FBLN7: variants seen among roughly 807,000 people sequenced by gnomAD.
FBLN7 encodes fibulin 7.
In FBLN7, 31 loss-of-function variants were observed where a neutral mutation model predicts 44.0. The observed-to-expected ratio is 0.70, with a 90% CI of 0.53 to 0.95. The LOEUF is 0.95. Among genes scored for constraint, FBLN7 ranks in the 40% least tolerant of loss-of-function variants. FBLN7 has a pLI of 0.00. For synonymous variants in FBLN7, 262 were observed against 253.4 expected, an observed-to-expected ratio of 1.03 and a Z score of -0.32; for missense variants, 573 against 618.5, an observed-to-expected ratio of 0.93 and a Z score of 0.78.
chr2:112,159,803 CTG>C lies in FBLN7; in HGVS notation c.206_207del (p.Val69GlyfsTer66). ...AGCCGGCTGGCCGCGCTGCAGAACT[CTG>C]TGGGCAGGGTGGGCCCAGATGCCCT... is the stretch of plus-strand genomic sequence containing the variant. On this transcript the variant is annotated frameshift_variant, in exon 2 of 8. Coordinates refer to ENST00000331203, the MANE Select transcript of FBLN7 (RefSeq NM_153214.3). LOFTEE classifies it high-confidence loss of function. 3 of 1,582,814 alleles carry C rather than the reference CTG, an allele frequency of 1.9e-6. No individual in the cohort carries two copies. The highest frequency in any genetic ancestry group is 2.6e-6 in the Non-Finnish European group (3 of 1,165,852).
Position 112,181,760 on chromosome 2 carries a change from C to T in FBLN7, c.554C>T (p.Ala185Val). The change falls in exon 5 of 8, where the codon GCC becomes GTC. Residue 185 changes from alanine to valine, a missense_variant. Ala to Val is a moderately conservative substitution (Grantham distance 64, BLOSUM62 0). Transcript: ENST00000331203. Reference sequence around the variant, plus strand: ...GCAGCCGCCCCCGAGGGCAGCGTGGCCGGCGACTCCGCCTTCAGCCGCGCG... The same window carrying T: ...GCAGCCGCCCCCGAGGGCAGCGTGGTCGGCGACTCCGCCTTCAGCCGCGCG... ...AQTAAPEGSV[A>V]GDSAFSRAPR... 1 of 1,406,364 alleles carries T rather than the reference C, an allele frequency of 7.1e-7. No homozygotes were observed. The highest frequency in any genetic ancestry group is 9.2e-7 in the Non-Finnish European group (1 of 1,087,106). The allele number at this position is 1,406,364 out of a possible 1,614,324, so 87.1% of individuals were successfully genotyped here.
chr2:112,180,917 TG>T (rs1682954101), intron 4 of FBLN7, among the ~76,000 whole-genome samples: 1 of 77,576 alleles, frequency 1.3e-5, no homozygotes, highest in Non-Finnish European at 2.1e-5. Context: ...AGTGAGACTC[TG>T]TCTCAAAAAA....
chr2:112,168,263 C>A (rs2104579900), intron 3 of FBLN7, among the ~76,000 whole-genome samples: 1 of 152,312 alleles, frequency 6.6e-6, no homozygotes, highest in South Asian at 2.1e-4. Flanking sequence ...ATGCAGCCCA[C>A]CTTCGGGATG....
At chr2:112,197,234 A>AACACACACACACACAC in the FBLN7 span, among the ~76,000 whole-genome samples, 90 of 89,360 alleles carry the variant, frequency 1.0e-3, no homozygotes, top group African/African-American at 1.6e-3. Flanking sequence ...CGTAAGAGAA[A>AACACACACACACACAC]ACACACACAC....
the FBLN7 span, among the ~76,000 whole-genome samples, chr2:112,241,330 C>A: frequency 6.6e-6 from 1 of 152,128 alleles, no homozygotes; most frequent in East Asian, 1.9e-4. Context: ...CGACCACCCA[C>A]ATGGAGGTAC....
At chr2:112,200,254 A>G in the FBLN7 span, among the ~76,000 whole-genome samples, 1 of 152,162 alleles carries the variant, frequency 6.6e-6, no homozygotes, top group Non-Finnish European at 1.5e-5. Context: ...GCTAGTACTA[A>G]TTAAGATTCT....
the FBLN7 span, among the ~76,000 whole-genome samples, chr2:112,205,624 T>C: frequency 3.3e-5 from 5 of 152,286 alleles, no homozygotes; most frequent in Non-Finnish European, 7.4e-5. Context: ...TTAAATCAGT[T>C]GCTCATATTT....
At chr2:112,160,270 G>A (rs1002150257) in intron 2 of FBLN7, among the ~76,000 whole-genome samples, 54 of 152,278 alleles carry the variant, frequency 3.5e-4, no homozygotes, top group Non-Finnish European at 6.0e-4. Context: ...GATGACAGGC[G>A]TGGGCCACCG....
downstream of FBLN7, among the ~76,000 whole-genome samples, chr2:112,191,775 G>T (rs1199925561): frequency 6.6e-6 from 1 of 152,048 alleles, no homozygotes; most frequent in African/African-American, 2.4e-5. Context: ...AGGATTTACT[G>T]ATTATACCTC....
chr2:112,203,925 C>G, the FBLN7 span, among the ~76,000 whole-genome samples: 1 of 152,160 alleles, frequency 6.6e-6, no homozygotes, highest in Non-Finnish European at 1.5e-5. Context: ...TATCTCCCAC[C>G]AGCTCCCTCC....
At chr2:112,195,648 G>A in the FBLN7 span, among the ~76,000 whole-genome samples, 3 of 152,160 alleles carry the variant, frequency 2.0e-5, no homozygotes, top group Non-Finnish European at 4.4e-5. Flanking sequence ...TACTAATGCT[G>A]GACTTGCTGT....
At chr2:112,147,209 A>C (rs1367883516) in intron 1 of FBLN7, among the ~76,000 whole-genome samples, 2 of 152,122 alleles carry the variant, frequency 1.3e-5, no homozygotes, top group African/African-American at 4.8e-5. Flanking sequence ...CTATGAATTC[A>C]ATTTCTTAGA....
chr2:112,141,314 G>C (rs1169949116), intron 1 of FBLN7, among the ~76,000 whole-genome samples: 1 of 152,218 alleles, frequency 6.6e-6, no homozygotes, highest in African/African-American at 2.4e-5. Context: ...AATAAACCCA[G>C]TCTCTCTTGT....
chr2:112,147,458 T>G (rs1680948223), intron 1 of FBLN7, among the ~76,000 whole-genome samples: 1 of 152,250 alleles, frequency 6.6e-6, no homozygotes, highest in African/African-American at 2.4e-5. Context: ...GTGTAACTTT[T>G]TAATTTTCCT....
At chr2:112,218,319 A>G in the FBLN7 span, among the ~76,000 whole-genome samples, 1 of 152,226 alleles carries the variant, frequency 6.6e-6, no homozygotes, top group African/African-American at 2.4e-5. Context: ...CTCAAGGTTT[A>G]GAAACCAGGC....
chr2:112,200,645 C>T, the FBLN7 span, among the ~76,000 whole-genome samples: 1 of 152,178 alleles, frequency 6.6e-6, no homozygotes, highest in Non-Finnish European at 1.5e-5. Flanking sequence ...AGCTATTCTC[C>T]TGCCTCAGCC....
the FBLN7 span, among the ~76,000 whole-genome samples, chr2:112,209,015 A>G: frequency 6.6e-6 from 1 of 152,190 alleles, no homozygotes; most frequent in East Asian, 1.9e-4. Flanking sequence ...AAAAATGCAT[A>G]TTAGACAACT....
chr2:112,238,699 TA>T, the FBLN7 span: 8 of 461,956 alleles, frequency 1.7e-5, no homozygotes, highest in Admixed American at 3.9e-5. Flanking sequence ...TTTCCAGAAT[TA>T]AAAAAAAGAA....
At chr2:112,139,929 T>G (rs111162576) in intron 1 of FBLN7, among the ~76,000 whole-genome samples, 11 of 25,226 alleles carry the variant, frequency 4.4e-4, no homozygotes, top group Admixed American at 1.0e-3. Flanking sequence ...CCTCTCTCCA[T>G]GCCAGTGTCC....
Sources: allele counts gnomAD v4.1 joint callset (sites outside exome capture counted in the v4.1 genomes callset), GRCh38; gene constraint gnomAD v4.1.1; transcripts MANE v1.5; gene names NCBI Gene and HGNC (gene_info 2026-07-23, HGNC 2026-07-21).